Variants in GALNTL6 observed in about 807,000 individuals in gnomAD.
The protein encoded by GALNTL6 is polypeptide N-acetylgalactosaminyltransferase like 6.
A neutral mutation model predicts 73.7 loss-of-function variants in GALNTL6; 46 were observed. The ratio of observed to expected loss-of-function variants is 0.62; its 90% confidence interval spans 0.49 to 0.80. The LOEUF (loss-of-function observed/expected upper bound fraction) is 0.80, where lower values mean the gene tolerates loss of function less well. Ranked by LOEUF, GALNTL6 falls within the 30% of genes least tolerant of loss-of-function variation. The probability of loss-of-function intolerance (pLI) is 0.00; values close to 1 mark genes in which losing one functional copy is unlikely to be tolerated. For missense variants in GALNTL6, 604 were observed against 755.0 expected (o/e 0.80, Z 2.34); for synonymous variants, 259 against 263.7 (o/e 0.98, Z 0.17).
rs184246026 is a variant in GALNTL6, at chr4:172,212,760, C to T, written c.139-16896C>T. On this transcript the variant is annotated intron_variant, in intron 2 of 12. Transcript: ENST00000506823. ...TCAGCTCACCACAACCTCTGGCCCC[C>T]GGGTTCAAGCGATTCTCCTGCCTCA... 2.2e-3 allele frequency among the ~76,000 whole-genome samples: 328 copies of T among 152,116 alleles called. 1 individual carries two copies. The highest frequency in any genetic ancestry group is 6.8e-3 in the African/African-American group (282 of 41,514).
chr4:172,261,041 C>T (rs765504591), intron 3 of GALNTL6, among the ~76,000 whole-genome samples: 2 of 151,260 alleles, frequency 1.3e-5, no homozygotes, highest in South Asian at 2.1e-4. Context: ...CTGTGTTCAT[C>T]AAGGATATTA....
intron 5 of GALNTL6, chr4:172,668,427 C>T (rs979530973): frequency 2.0e-5 from 3 of 152,012 alleles, no homozygotes; most frequent in South Asian, 2.1e-4. Context: ...GTGTCATAAC[C>T]GGGAGTCCTA....
At chr4:171,987,611 C>A (rs1740142591) in intron 2 of GALNTL6, among the ~76,000 whole-genome samples, 2 of 152,084 alleles carry the variant, frequency 1.3e-5, no homozygotes, top group Admixed American at 1.3e-4. Context: ...CCTGAATAAT[C>A]CCTGAGGAGT....
chr4:172,803,721 A>T (rs925089210), intron 5 of GALNTL6, among the ~76,000 whole-genome samples: 2 of 152,234 alleles, frequency 1.3e-5, no homozygotes, highest in Admixed American at 6.5e-5. Flanking sequence ...TTATATTAGC[A>T]AAAAATATAT....
chr4:172,432,002 C>T lies in GALNTL6; in HGVS notation c.553+83313C>T, dbSNP rs575437093. On this transcript the variant is annotated intron_variant, in intron 5 of 12. Transcript: ENST00000506823. ...TCCTTTGATAGGTATATTAAGATAA[C>T]ACATAAAAGGTAGGGCTGCCATTTT... Among the ~76,000 whole-genome samples the T allele has an allele frequency of 4.6e-5, 7 of 152,162 alleles. No individual in the cohort carries two copies. In the South Asian group the frequency reaches 8.3e-4, roughly 18 times the overall value.
At chr4:172,909,625 T>G (rs1400537951) in intron 8 of GALNTL6, among the ~76,000 whole-genome samples, 4 of 152,122 alleles carry the variant, frequency 2.6e-5, no homozygotes, top group Non-Finnish European at 5.9e-5. Flanking sequence ...TCAAGAACTT[T>G]GATAGCAATG....
chr4:173,012,355 T>G (rs189940728), intron 11 of GALNTL6, among the ~76,000 whole-genome samples: 1 of 152,262 alleles, frequency 6.6e-6, no homozygotes. Context: ...TGCCCCTCCC[T>G]GCCCTCTACC....
intron 3 of GALNTL6, among the ~76,000 whole-genome samples, chr4:172,240,124 T>A (rs1430582300): frequency 6.6e-6 from 1 of 152,218 alleles, no homozygotes; most frequent in Non-Finnish European, 1.5e-5. Context: ...TCAAATATGT[T>A]TTTCAAGTTG....
At chr4:172,828,333 C>T (rs1742392252) in intron 7 of GALNTL6, among the ~76,000 whole-genome samples, 1 of 150,876 alleles carries the variant, frequency 6.6e-6, no homozygotes, top group Non-Finnish European at 1.5e-5. Flanking sequence ...CCTGACTAAA[C>T]CCTCCTTATT....
chr4:172,442,662 A>G (rs1028354604), intron 5 of GALNTL6, among the ~76,000 whole-genome samples: 1 of 152,160 alleles, frequency 6.6e-6, no homozygotes, highest in African/African-American at 2.4e-5. Context: ...CTTACTCTAA[A>G]GTGAGACTAT....
At chr4:172,053,419 G>A (rs1329625742) in intron 2 of GALNTL6, among the ~76,000 whole-genome samples, 1 of 152,078 alleles carries the variant, frequency 6.6e-6, no homozygotes, top group Non-Finnish European at 1.5e-5. Context: ...AATCATTAAG[G>A]TGAGGATAGA....
At chr4:173,030,860 G>A (rs887351251) in intron 12 of GALNTL6, among the ~76,000 whole-genome samples, 11 of 151,490 alleles carry the variant, frequency 7.3e-5, no homozygotes, top group Admixed American at 6.6e-5. Context: ...AAAAAAGCTG[G>A]GCATAGTGGC....
chr4:172,739,770 T>C (rs1736694473), intron 5 of GALNTL6, among the ~76,000 whole-genome samples: 1 of 152,038 alleles, frequency 6.6e-6, no homozygotes, highest in Non-Finnish European at 1.5e-5. Context: ...TTCTTTAGAT[T>C]TGGCTGAGAA....
chr4:172,922,855 T>C (rs189960197), intron 8 of GALNTL6, among the ~76,000 whole-genome samples: 1 of 152,292 alleles, frequency 6.6e-6, no homozygotes, highest in Non-Finnish European at 1.5e-5. Flanking sequence ...ATCATACAGG[T>C]GCACTCAAAG....
At chr4:172,881,388 C>T (rs2111188927) in intron 7 of GALNTL6, among the ~76,000 whole-genome samples, 1 of 152,328 alleles carries the variant, frequency 6.6e-6, no homozygotes, top group East Asian at 1.9e-4. Flanking sequence ...ATTCTGCCCA[C>T]TTTCCTGGAG....
intron 7 of GALNTL6, among the ~76,000 whole-genome samples, chr4:172,821,034 T>G (rs947288599): frequency 5.3e-5 from 8 of 152,190 alleles, no homozygotes; most frequent in African/African-American, 1.9e-4. Flanking sequence ...AGCCCCTCAA[T>G]TAAACTGGCC....
At chr4:172,328,169 T>C (rs1048249871) in intron 4 of GALNTL6, among the ~76,000 whole-genome samples, 7 of 152,176 alleles carry the variant, frequency 4.6e-5, no homozygotes, top group African/African-American at 1.7e-4. Context: ...GGATATGAAA[T>C]TCTTGGTTGA....
chr4:172,015,317 T>C (rs972656759), intron 2 of GALNTL6, among the ~76,000 whole-genome samples: 9 of 152,030 alleles, frequency 5.9e-5, no homozygotes, highest in African/African-American at 9.6e-5. Flanking sequence ...TGTCCTTCTT[T>C]CTCTTTGTTG....
intron 2 of GALNTL6, among the ~76,000 whole-genome samples, chr4:172,008,008 C>G (rs1740889097): frequency 6.6e-6 from 1 of 151,808 alleles, no homozygotes; most frequent in South Asian, 2.1e-4. Context: ...TTTAAATTGT[C>G]TTGTCCATGT....
Sources: allele counts gnomAD v4.1 joint callset (sites outside exome capture counted in the v4.1 genomes callset), GRCh38; gene constraint gnomAD v4.1.1; transcripts MANE v1.5; gene names NCBI Gene and HGNC (gene_info 2026-07-23, HGNC 2026-07-21).